Variants in LRRC10 observed in about 807,000 individuals in gnomAD.
LRRC10 encodes leucine rich repeat containing 10.
Under a neutral mutation model 11.1 loss-of-function variants are expected in LRRC10, and 6 were observed. That is an observed-to-expected ratio of 0.54 (90% CI 0.30 to 1.07). LRRC10 has a LOEUF of 1.07. Ranked by LOEUF, LRRC10 falls within the 50% of genes least tolerant of loss-of-function variation. The pLI, the probability that LRRC10 is intolerant of heterozygous loss-of-function variation, is 0.07. For synonymous variants in LRRC10, 145 were observed against 153.6 expected (o/e 0.94, Z 0.41); for missense variants, 320 against 355.5 (o/e 0.90, Z 0.80).
rs1882336215 is a variant in LRRC10, at chr12:69,609,809, T to G, written c.*196A>C. 1 of 591,762 alleles carries G rather than the reference T, an allele frequency of 1.7e-6. No individual in the cohort carries two copies. Among genetic ancestry groups the G allele is most frequent in the Non-Finnish European group, 3.0e-6 (1 of 334,634 alleles). The allele number at this position is 591,762 out of a possible 1,614,324, so 36.7% of individuals were successfully genotyped here. A position where few individuals can be genotyped will look rare whatever the true frequency, so the allele number is the denominator to read the frequency against. On this transcript the variant is annotated 3_prime_UTR_variant, in exon 1 of 1. Transcript: ENST00000361484. ...TGTCATGCCATCATTGGCACACAAC[T>G]CCCCTCTGGAAGAGGAGCTGTTTGC...
Position 69,609,805 on chromosome 12 carries a change from C to T in LRRC10, c.*200G>A, listed in dbSNP as rs1040276833. On this transcript the variant is annotated 3_prime_UTR_variant, in exon 1 of 1. Coordinates refer to ENST00000361484, the MANE Select transcript of LRRC10 (RefSeq NM_201550.4). Reference sequence around the variant, plus strand: ...GGATTGTCATGCCATCATTGGCACACAACTCCCCTCTGGAAGAGGAGCTGT... The same window carrying T: ...GGATTGTCATGCCATCATTGGCACATAACTCCCCTCTGGAAGAGGAGCTGT... 12 of 589,290 alleles carry T rather than the reference C, an allele frequency of 2.0e-5. No individual in the cohort carries two copies. The Middle Eastern group carries it at 1.3e-3, about 65-fold the overall frequency. The allele number at this position is 589,290 out of a possible 1,614,324, so 36.5% of individuals were successfully genotyped here.
Position 69,608,862 on chromosome 12 carries a change from C to T in LRRC10, c.*1143G>A, listed in dbSNP as rs921518848. The T allele has an allele frequency of 6.6e-6, 1 of 152,204 alleles. No homozygotes were observed. Among genetic ancestry groups the T allele is most frequent in the Non-Finnish European group, 1.5e-5 (1 of 68,050 alleles). The allele number at this position is 152,204 out of a possible 1,614,324, so 9.4% of individuals were successfully genotyped here. Reference sequence around the variant, plus strand: ...GATTCAATTTAGCTCAGCTCTGGCTCATTAGTGTGAATAAACAGAAGGGCT... The same window carrying T: ...GATTCAATTTAGCTCAGCTCTGGCTTATTAGTGTGAATAAACAGAAGGGCT... On this transcript the variant is annotated 3_prime_UTR_variant, in exon 1 of 1. Coordinates refer to ENST00000361484, the MANE Select transcript of LRRC10 (RefSeq NM_201550.4).
chr12:69,610,872 C>T lies in LRRC10; in HGVS notation c.-34G>A. The T allele has an allele frequency of 3.3e-6, 5 of 1,506,632 alleles. No homozygotes were observed. The highest frequency in any genetic ancestry group is 4.5e-6 in the Non-Finnish European group (5 of 1,115,184). The allele number at this position is 1,506,632 out of a possible 1,614,324, so 93.3% of individuals were successfully genotyped here. A position where few individuals can be genotyped will look rare whatever the true frequency, so the allele number is the denominator to read the frequency against. The stretch of plus-strand genomic sequence containing the variant: ...TGGGGGCATGGCGAGCCCCAGAGGA[C>T]AGACTCACTGAGCGGGGCTGGCTCA... On this transcript the variant is annotated 5_prime_UTR_variant, in exon 1 of 1. Transcript: ENST00000361484.
In LRRC10 at chr12:69,609,888, G is replaced by C; in HGVS notation, c.*117C>G. On this transcript the variant is annotated 3_prime_UTR_variant, in exon 1 of 1. Transcript: ENST00000361484. ...GCATTCCACCTGGCTCTCTCCATCA[G>C]TCTCTACTAGCAGAGCCACTCCCAA... 1 of 910,868 alleles carries C rather than the reference G, an allele frequency of 1.1e-6. No homozygotes were observed. Among genetic ancestry groups the C allele is most frequent in the Non-Finnish European group, 1.7e-6 (1 of 602,168 alleles). The allele number at this position is 910,868 out of a possible 1,614,324, so 56.4% of individuals were successfully genotyped here. A position where few individuals can be genotyped will look rare whatever the true frequency, so the allele number is the denominator to read the frequency against.
At position 69,610,264 on chromosome 12, in the gene LRRC10, A is replaced by G; in HGVS notation, c.575T>C (p.Leu192Pro). Residue 192 changes from leucine to proline, a missense_variant, in exon 1 of 1, where the codon CTG (leucine) becomes CCG (proline). Coordinates refer to ENST00000361484, the MANE Select transcript of LRRC10 (RefSeq NM_201550.4). ...GTTCCAGTCCACATCAATCACCTCC[A>G]GGAAGGGCATGTGAAGCAGCACAGT... is the stretch of plus-strand genomic sequence containing the variant. Reference protein sequence around the residue: ...FPTVLLHMPFLEVIDVDWNSI... With the variant: ...FPTVLLHMPFPEVIDVDWNSI... The G allele has an allele frequency of 6.2e-7, 1 of 1,614,116 alleles. No individual in the cohort carries two copies. The highest frequency in any genetic ancestry group is 1.3e-5 in the African/African-American group (1 of 75,066).
At position 69,610,307 on chromosome 12, in the gene LRRC10, G is replaced by A. The variant is rs372459566; in HGVS notation, c.532C>T (p.Arg178Trp). 8 of 1,613,000 alleles carry A rather than the reference G, an allele frequency of 5.0e-6. No homozygotes were observed. Among genetic ancestry groups the A allele is most frequent in the Admixed American group, 3.3e-5 (2 of 59,992 alleles). ...ELRTIWLSGN[R>W]LTDFPTVLLH... Reference sequence around the variant, plus strand: ...AGCACAGTGGGAAAGTCAGTTAGCCGGTTGCCCGAGAGCCAGATGGTCCTC... The same window carrying A: ...AGCACAGTGGGAAAGTCAGTTAGCCAGTTGCCCGAGAGCCAGATGGTCCTC... The change falls in exon 1 of 1, where the codon CGG (arginine) becomes TGG (tryptophan). Residue 178 changes from arginine (R) to tryptophan (W), a missense_variant. Physicochemically the swap from Arg to Trp is moderately radical, Grantham distance 101 (BLOSUM62 -3). Coordinates refer to ENST00000361484, the MANE Select transcript of LRRC10 (RefSeq NM_201550.4).
Position 69,609,791 on chromosome 12 carries a change from C to T in LRRC10, c.*214G>A, listed in dbSNP as rs1256324360. 1 of 574,140 alleles carries T rather than the reference C, an allele frequency of 1.7e-6. No homozygotes were observed. The highest frequency in any genetic ancestry group is 2.3e-5 in the South Asian group (1 of 43,868). The allele number at this position is 574,140 out of a possible 1,614,324, so 35.6% of individuals were successfully genotyped here. ...AAGTTATGATCTCTGGATTGTCATG[C>T]CATCATTGGCACACAACTCCCCTCT... On this transcript the variant is annotated 3_prime_UTR_variant, in exon 1 of 1. Transcript: ENST00000361484.
chr12:69,610,852 G>C lies in LRRC10; in HGVS notation c.-14C>G, dbSNP rs1332978117. ...GGTGTTCCCCATGCGGAGGCTGGGG[G>C]CATGGCGAGCCCCAGAGGACAGACT... On this transcript the variant is annotated 5_prime_UTR_variant, in exon 1 of 1. Coordinates refer to ENST00000361484, the MANE Select transcript of LRRC10 (RefSeq NM_201550.4). The C allele has an allele frequency of 6.4e-7, 1 of 1,558,218 alleles. No individual in the cohort carries two copies. Among genetic ancestry groups the C allele is most frequent in the South Asian group, 1.2e-5 (1 of 81,634 alleles).
In LRRC10 at chr12:69,610,708, A is replaced by T. The variant is rs749650043; in HGVS notation, c.131T>A (p.Phe44Tyr). The change falls in exon 1 of 1, where the codon TTC becomes TAC. Residue 44 changes from phenylalanine to tyrosine, a missense_variant. Phe to Tyr is a conservative substitution (Grantham distance 22). Coordinates refer to ENST00000361484, the MANE Select transcript of LRRC10 (RefSeq NM_201550.4). ...VDLSGSQLRR[F>Y]PLHVCSFREL... ...CCTGAAGGAGCACACGTGCAGGGGGAAGCGGCGTAACTGGCTCCCACTCAG... is the reference window on the plus strand; with the variant it reads ...CCTGAAGGAGCACACGTGCAGGGGGTAGCGGCGTAACTGGCTCCCACTCAG... 6.2e-7 allele frequency: 1 copy of T among 1,613,762 alleles called. No individual in the cohort carries two copies. The highest frequency in any genetic ancestry group is 8.5e-7 in the Non-Finnish European group (1 of 1,179,976).
At position 69,610,072 on chromosome 12, in the gene LRRC10, G is replaced by A. The variant is rs376496424; in HGVS notation, c.767C>T (p.Ala256Val). ...CTCCTGGCTTTCCTCTCTGACCAACGCATAGCGCCTGGCTTTTCTAGGGTC... is the reference window on the plus strand; with the variant it reads ...CTCCTGGCTTTCCTCTCTGACCAACACATAGCGCCTGGCTTTTCTAGGGTC... Reference protein sequence around the residue: ...EPDPRKARRYALVREESQELQ... With the variant: ...EPDPRKARRYVLVREESQELQ... The change falls in exon 1 of 1, where the codon GCG (alanine) becomes GTG (valine). Residue 256 changes from alanine to valine, a missense_variant. Ala to Val is a moderately conservative substitution (Grantham distance 64). Coordinates refer to ENST00000361484, the MANE Select transcript of LRRC10 (RefSeq NM_201550.4). The A allele has an allele frequency of 6.2e-6, 10 of 1,614,094 alleles. No homozygotes were observed. The highest frequency in any genetic ancestry group is 2.7e-5 in the African/African-American group (2 of 74,944).
In LRRC10 at chr12:69,610,201, CTTGA is replaced by C; in HGVS notation, c.634_637del (p.Ser212ValfsTer2). 1 of 1,614,230 alleles carries C rather than the reference CTTGA, an allele frequency of 6.2e-7. No individual in the cohort carries two copies. Among genetic ancestry groups the C allele is most frequent in the Non-Finnish European group, 8.5e-7 (1 of 1,180,052 alleles). The stretch of plus-strand genomic sequence containing the variant: ...GTGGTCATAGATGACCAGCTTCAGA[CTTGA>C]CAGGTGCGCCAGGCTGGGGAAGTAA... On this transcript the variant is annotated frameshift_variant, in exon 1 of 1. Coordinates refer to ENST00000361484, the MANE Select transcript of LRRC10 (RefSeq NM_201550.4). LOFTEE classifies it high-confidence loss of function.
In LRRC10 at chr12:69,609,609, C is replaced by T. The variant is rs1271421943; in HGVS notation, c.*396G>A. On this transcript the variant is annotated 3_prime_UTR_variant, in exon 1 of 1. Transcript: ENST00000361484. ...ATATGTCCTGCAAAGAGACAGACCA[C>T]CAGAATATTTAGTTCTATGGCAAAT... 1 of 190,180 alleles carries T rather than the reference C, an allele frequency of 5.3e-6. No homozygotes were observed. Among genetic ancestry groups the T allele is most frequent in the East Asian group, 1.2e-4 (1 of 8,054 alleles). The allele number at this position is 190,180 out of a possible 1,614,324, so 11.8% of individuals were successfully genotyped here.
At position 69,610,361 on chromosome 12, in the gene LRRC10, G is replaced by A; in HGVS notation, c.478C>T (p.Pro160Ser). 1.2e-6 allele frequency: 2 copies of A among 1,613,326 alleles called. No individual in the cohort carries two copies. The highest frequency in any genetic ancestry group is 1.7e-6 in the Non-Finnish European group (2 of 1,179,620). Residue 160 changes from proline to serine, a missense_variant, in exon 1 of 1, where the codon CCA becomes TCA. Pro to Ser is a moderately conservative substitution (Grantham distance 74). Coordinates refer to ENST00000361484, the MANE Select transcript of LRRC10 (RefSeq NM_201550.4). ...TCCTGGAGGCGCCGGAGCTGGCCTG[G>A]CAGCAAACGCAGGGCGTTGGAGCCG... ...HAGSNALRLL[P>S]GQLRRLQELR...
rs1882367844 is a variant in LRRC10 at position 69,610,817 on chromosome 12, G to A, written c.22C>T (p.Leu8Phe). ...CGGTCAGCAGGGATGAAGGCCACGA[G>A]GGCCCTGATGGTGTTCCCCATGCGG... is the stretch of plus-strand genomic sequence containing the variant. MGNTIRA[L>F]VAFIPADRCQ... The change falls in exon 1 of 1, where the codon CTC becomes TTC. Residue 8 changes from leucine (L) to phenylalanine (F), a missense_variant. Leu to Phe is a conservative substitution (Grantham distance 22, BLOSUM62 0). Coordinates refer to ENST00000361484, the MANE Select transcript of LRRC10 (RefSeq NM_201550.4). 7 of 1,607,376 alleles carry A rather than the reference G, an allele frequency of 4.4e-6. No individual in the cohort carries two copies. Among genetic ancestry groups the A allele is most frequent in the Non-Finnish European group, 5.1e-6 (6 of 1,176,440 alleles).
At position 69,610,356 on chromosome 12, in the gene LRRC10, G is replaced by A; in HGVS notation, c.483C>T (p.Gly161=). The A allele has an allele frequency of 1.9e-6, 3 of 1,613,398 alleles. No individual in the cohort carries two copies. Among genetic ancestry groups the A allele is most frequent in the Non-Finnish European group, 2.5e-6 (3 of 1,179,638 alleles). ...TCAGCTCCTGGAGGCGCCGGAGCTG[G>A]CCTGGCAGCAAACGCAGGGCGTTGG... is the stretch of plus-strand genomic sequence containing the variant. ...AGSNALRLLP[G]QLRRLQELRT... The change falls in exon 1 of 1, where the codon GGC becomes GGT. Residue 161 remains glycine, a synonymous_variant. Transcript: ENST00000361484.
In LRRC10 at chr12:69,610,139, C is replaced by T. The variant is rs750529760; in HGVS notation, c.700G>A (p.Val234Met). Reference sequence around the variant, plus strand: ...TCTGCCCATCTCCCCACACGGCGCACACCTTTGGCCACCTTGGGTGCGTTC... The same window carrying T: ...TCTGCCCATCTCCCCACACGGCGCATACCTTTGGCCACCTTGGGTGCGTTC... ...CRNAPKVAKG[V>M]RRVGRWAEET... The change falls in exon 1 of 1, where the codon GTG becomes ATG. Residue 234 changes from valine to methionine, a missense_variant. Transcript: ENST00000361484. 7.4e-6 allele frequency: 12 copies of T among 1,614,264 alleles called. No individual in the cohort carries two copies. In the East Asian group the frequency reaches 2.2e-4, roughly 30 times the overall value.
chr12:69,610,763 G>T lies in LRRC10; in HGVS notation c.76C>A (p.Arg26Ser), dbSNP rs773143752. The T allele has an allele frequency of 6.2e-7, 1 of 1,614,040 alleles. No homozygotes were observed. Among genetic ancestry groups the T allele is most frequent in the Non-Finnish European group, 8.5e-7 (1 of 1,180,014 alleles). Residue 26 changes from arginine (R) to serine (S), a missense_variant, in exon 1 of 1, where the codon CGT (arginine) becomes AGT (serine). By Grantham distance (110) the Arg-to-Ser change is moderately radical. Coordinates refer to ENST00000361484, the MANE Select transcript of LRRC10 (RefSeq NM_201550.4). Reference protein sequence around the residue: ...RCQNYVVRDLREMPLDKMVDL... With the variant: ...RCQNYVVRDLSEMPLDKMVDL... The stretch of plus-strand genomic sequence containing the variant: ...ACCATCTTGTCCAGCGGCATCTCAC[G>T]GAGGTCCCTGACCACATAGTTCTGG...
In LRRC10 at chr12:69,609,630, C is replaced by A; in HGVS notation, c.*375G>T. The A allele has an allele frequency of 4.6e-6, 1 of 215,428 alleles. No individual in the cohort carries two copies. Among genetic ancestry groups the A allele is most frequent in the South Asian group, 1.1e-4 (1 of 9,446 alleles). 13.3% of individuals were successfully genotyped at this position (215,428 alleles called of 1,614,324 possible). On this transcript the variant is annotated 3_prime_UTR_variant, in exon 1 of 1. Coordinates refer to ENST00000361484, the MANE Select transcript of LRRC10 (RefSeq NM_201550.4). ...ACCACCAGAATATTTAGTTCTATGGCAAATACCTTATTTGAGGAGCTCATG... is the reference window on the plus strand; with the variant it reads ...ACCACCAGAATATTTAGTTCTATGGAAAATACCTTATTTGAGGAGCTCATG...
Position 69,610,232 on chromosome 12 carries a change from G to A in LRRC10, c.607C>T (p.Arg203Cys), listed in dbSNP as rs143606238. ...EVIDVDWNSI[R>C]YFPSLAHLSS... The stretch of plus-strand genomic sequence containing the variant: ...AGGTGCGCCAGGCTGGGGAAGTAAC[G>A]GATGCTGTTCCAGTCCACATCAATC... Residue 203 changes from arginine to cysteine, a missense_variant, in exon 1 of 1, where the codon CGT becomes TGT. Physicochemically the swap from Arg to Cys is radical, Grantham distance 180. Coordinates refer to ENST00000361484, the MANE Select transcript of LRRC10 (RefSeq NM_201550.4). The A allele has an allele frequency of 9.9e-6, 16 of 1,614,068 alleles. No homozygotes were observed. Among genetic ancestry groups the A allele is most frequent in the Middle Eastern group, 3.3e-4 (2 of 6,084 alleles).
Sources: gnomAD v4.1 joint callset for allele counts on GRCh38, gnomAD v4.1.1 for gene constraint, MANE v1.5 for transcripts, NCBI Gene and HGNC (gene_info 2026-07-23, HGNC 2026-07-21) for gene names.